Variants in VASH2 observed in about 807,000 individuals in gnomAD.
VASH2 encodes the protein tubulinyl-Tyr carboxypeptidase 2.
A neutral mutation model predicts 37.2 loss-of-function variants in VASH2; 28 were observed. The ratio of observed to expected loss-of-function variants is 0.75; its 90% CI spans 0.56 to 1.03. VASH2 has a LOEUF of 1.03. VASH2 is among the 50% of genes least tolerant of loss of function. VASH2 has a pLI of 0.00. For missense variants in VASH2, 419 were observed against 459.1 expected, an observed-to-expected ratio of 0.91 and a Z score of 0.80; for synonymous variants, 188 against 174.7, an observed-to-expected ratio of 1.08 and a Z score of -0.60.
intron 3 of VASH2, among the ~76,000 whole-genome samples, chr1:212,964,923 T>C (rs1272235184): frequency 1.5e-5 from 2 of 131,038 alleles, no homozygotes; most frequent in South Asian, 2.3e-4. Flanking sequence ...TTCTGCCAGG[T>C]TTTTTTTTTT....
At chr1:212,973,849 C>G in intron 6 of VASH2, 106 bp from the exon 7 acceptor site, 1 of 1,471,294 alleles carries the variant, frequency 6.8e-7, no homozygotes, top group Non-Finnish European at 9.0e-7. Context: ...CCTTCTAAAC[C>G]ATGGCATCAT....
At position 212,951,744 on chromosome 1, in the gene VASH2, A is replaced by G. The variant is rs1200432708; in HGVS notation, c.202A>G (p.Met68Val). 2 of 1,608,202 alleles carry G rather than the reference A, an allele frequency of 1.2e-6. No homozygotes were observed. The highest frequency in any genetic ancestry group is 2.2e-5 in the South Asian group (2 of 89,140). The change falls in exon 2 of 8, where the codon ATG becomes GTG. Residue 68 changes from methionine to valine, a missense_variant. By Grantham distance (21) the Met-to-Val change is conservative. Coordinates refer to ENST00000517399, the MANE Select transcript of VASH2 (RefSeq NM_001301056.2). The surrounding 1 kb of genome is among the most constrained non-coding windows in gnomAD (Gnocchi z 4.4). ...IDSHTWERMW[M>V]HVAKVHPKGG... ...CAGCCACACCTGGGAGCGCATGTGG[A>G]TGCACGTGGCCAAGGTGCACCCTAA...
In VASH2 at chr1:212,972,737, C is replaced by T; in HGVS notation, c.655C>T (p.Pro219Ser). 2 of 1,614,170 alleles carry T rather than the reference C, an allele frequency of 1.2e-6. No homozygotes were observed. The highest frequency in any genetic ancestry group is 1.7e-6 in the Non-Finnish European group (2 of 1,180,034). The stretch of plus-strand genomic sequence containing the variant: ...CCGCAGGGCTGAGCTGATGGACAAG[C>T]CATTGACTTTTCGGACTCTGAGTGA... Reference protein sequence around the residue: ...MSRRAELMDKPLTFRTLSDLI... With the variant: ...MSRRAELMDKSLTFRTLSDLI... Residue 219 changes from proline to serine, a missense_variant, in exon 6 of 8, where the codon CCA becomes TCA. This residue lies in a region of VASH2 where 177 missense variants were observed against 166.2 expected (regional missense o/e 1.06). Coordinates refer to ENST00000517399, the MANE Select transcript of VASH2 (RefSeq NM_001301056.2).
At chr1:212,968,113 G>C in intron 5 of VASH2, 2 of 708,502 alleles carry the variant, frequency 2.8e-6, no homozygotes, top group Non-Finnish European at 3.5e-6. Context: ...CTCAGATTTG[G>C]ACATGTGAAA....
intron 6 of VASH2, chr1:212,973,547 C>G: frequency 7.8e-7 from 1 of 1,287,122 alleles, no homozygotes; most frequent in African/African-American, 1.5e-5. Context: ...CAATTAAAAC[C>G]ATTCTGTCAT....
intron 5 of VASH2, among the ~76,000 whole-genome samples, chr1:212,972,228 AAGGGATAGTCATG>A (rs1667032411): frequency 6.6e-6 from 1 of 152,098 alleles, no homozygotes; most frequent in South Asian, 2.1e-4. Flanking sequence ...AGGAGAGGGG[AAGGGATAGTCATG>A]AGGCTGTTCC....
intron 7 of VASH2, among the ~76,000 whole-genome samples, chr1:212,982,153 G>C (rs1478597088): frequency 6.6e-6 from 1 of 152,224 alleles, no homozygotes; most frequent in Non-Finnish European, 1.5e-5. Flanking sequence ...TTGGGGTTAA[G>C]TGTAGCCTTG....
intron 7 of VASH2, among the ~76,000 whole-genome samples, chr1:212,981,341 AG>A (rs1473197445): frequency 1.3e-5 from 2 of 152,190 alleles, no homozygotes; most frequent in East Asian, 3.9e-4. Context: ...AATGTGAGGG[AG>A]GAGCGGACTG....
At chr1:212,956,975 T>G (rs1243870406) in intron 2 of VASH2, among the ~76,000 whole-genome samples, 1 of 152,152 alleles carries the variant, frequency 6.6e-6, no homozygotes, top group Non-Finnish European at 1.5e-5. Flanking sequence ...TCTCCAGACG[T>G]TTTTCATCTT....
rs767217848 is a variant in VASH2, at chr1:212,972,844, T to C, written c.762T>C (p.His254=). 15 of 1,614,120 alleles carry C rather than the reference T, an allele frequency of 9.3e-6. No individual in the cohort carries two copies. The highest frequency in any genetic ancestry group is 1.7e-6 in the Non-Finnish European group (2 of 1,180,022). ...TCAAGATTGGGCTGTACGTCCCCCATGAGCCTCATAGCTTCCAGCCCATTG... is the reference window on the plus strand; with the variant it reads ...TCAAGATTGGGCTGTACGTCCCCCACGAGCCTCATAGCTTCCAGCCCATTG... ...KKVKIGLYVP[H]EPHSFQPIEW... is the part of the protein sequence containing the mutation. Residue 254 remains histidine, a synonymous_variant, in exon 6 of 8, where the codon CAT becomes CAC. Coordinates refer to ENST00000517399, the MANE Select transcript of VASH2 (RefSeq NM_001301056.2).
At chr1:212,952,239 C>A (rs1666337182) in intron 2 of VASH2, among the ~76,000 whole-genome samples, 1 of 152,202 alleles carries the variant, frequency 6.6e-6, no homozygotes, top group African/African-American at 2.4e-5. Flanking sequence ...CTCCCCTCTT[C>A]CCCCAGCAAA....
chr1:212,990,589 G>C lies in VASH2; in HGVS notation c.*2005G>C, dbSNP rs537651119. The C allele has an allele frequency of 1.4e-4, 22 of 152,278 alleles. No individual in the cohort carries two copies. Among genetic ancestry groups the C allele is most frequent in the African/African-American group, 4.8e-4 (20 of 41,562 alleles). The allele number at this position is 152,278 out of a possible 1,614,324, so 9.4% of individuals were successfully genotyped here. A position where few individuals can be genotyped will look rare whatever the true frequency, so the allele number is the denominator to read the frequency against. ...TAAGTACTGTTACATCTAAAATACA[G>C]AATGTCAAATGGTTGCATAGCTTGT... On this transcript the variant is annotated 3_prime_UTR_variant, in exon 8 of 8. Coordinates refer to ENST00000517399, the MANE Select transcript of VASH2 (RefSeq NM_001301056.2).
chr1:212,958,712 T>C (rs1666572836), intron 2 of VASH2, among the ~76,000 whole-genome samples: 1 of 152,030 alleles, frequency 6.6e-6, no homozygotes, highest in African/African-American at 2.4e-5. Context: ...TGTGCAGAAA[T>C]GTTTATGTCT....
rs1426455411 is a variant in VASH2, at chr1:212,981,025, CTG to C, written c.995+6958_995+6959del. 5.9e-5 allele frequency among the ~76,000 whole-genome samples: 9 copies of C among 152,310 alleles called. No individual in the cohort carries two copies. The East Asian group carries it at 1.5e-3, about 26-fold the overall frequency. On this transcript the variant is annotated intron_variant, in intron 7 of 7. Transcript: ENST00000517399. ...CTCAGGCAGAGTGAGCCAGGAGCCT[CTG>C]TGAGCTCCCCAGGGTCACATAGGGT...
chr1:212,964,506 A>G (rs1666777082), intron 3 of VASH2, among the ~76,000 whole-genome samples: 1 of 152,226 alleles, frequency 6.6e-6, no homozygotes, highest in Non-Finnish European at 1.5e-5. Context: ...AGAAAAATCA[A>G]AACCCAGTCC....
chr1:212,970,041 G>A (rs1666964228), intron 5 of VASH2, among the ~76,000 whole-genome samples: 1 of 152,182 alleles, frequency 6.6e-6, no homozygotes, highest in East Asian at 1.9e-4. Flanking sequence ...TATTTTGGGG[G>A]GCCTCACTGG....
intron 6 of VASH2, 57 bp from the exon 7 acceptor site, chr1:212,973,898 C>A: frequency 6.3e-7 from 1 of 1,578,478 alleles, no homozygotes; most frequent in South Asian, 1.1e-5. Context: ...TAGAAGAAGA[C>A]CTGAGGGTGG....
At chr1:212,981,404 G>A (rs542809770) in intron 7 of VASH2, among the ~76,000 whole-genome samples, 6 of 152,270 alleles carry the variant, frequency 3.9e-5, no homozygotes, top group African/African-American at 7.2e-5. Context: ...CCCTGTGTCC[G>A]TCCAGCTGAG....
At position 212,967,180 on chromosome 1, in the gene VASH2, G is replaced by A. The variant is rs41275394; in HGVS notation, c.497+835G>A. On this transcript the variant is annotated intron_variant, in intron 5 of 7. Transcript: ENST00000517399. Reference sequence around the variant, plus strand: ...CTGTTCCATTTTTCACCAGACTCCCGGCTCTTCAGCCTGAGAGGAATATGG... The same window carrying A: ...CTGTTCCATTTTTCACCAGACTCCCAGCTCTTCAGCCTGAGAGGAATATGG... 11,929 of 1,304,182 alleles carry A rather than the reference G, an allele frequency of 9.1e-3. 61 individuals are homozygous for A. Among genetic ancestry groups the A allele is most frequent in the Non-Finnish European group, 0.01 (10,251 of 988,980 alleles). The allele number at this position is 1,304,182 out of a possible 1,614,324, so 80.8% of individuals were successfully genotyped here.
Sources: gnomAD v4.1 joint callset for allele counts (sites outside exome capture counted in the v4.1 genomes callset) on GRCh38, gnomAD v4.1.1 for gene constraint, gnomAD v4.1.1 regional missense constraint, Gnocchi (gnomAD v3.1) non-coding constraint, MANE v1.5 for transcripts, NCBI Gene and HGNC (gene_info 2026-07-23, HGNC 2026-07-21) for gene names.